The following ALK variants were observed in gnomAD, a reference collection of about 807,000 sequenced individuals.
ALK encodes ALK receptor tyrosine kinase.
A neutral mutation model predicts 163.1 loss-of-function variants in ALK; 74 were observed. The observed-to-expected ratio is 0.45, with a 90% CI of 0.38 to 0.55. ALK has a LOEUF of 0.55. Among genes scored for constraint, ALK ranks in the 20% least tolerant of loss-of-function variants. ALK has a pLI of 0.00. For synonymous variants in ALK, 960 were observed against 843.2 expected, an observed-to-expected ratio of 1.14 and a Z score of -2.40; for missense variants, 2,063 against 2,105.3, an observed-to-expected ratio of 0.98 and a Z score of 0.39.
chr2:29,560,172 C>T (rs573147136), intron 3 of ALK, among the ~76,000 whole-genome samples: 77 of 152,136 alleles, frequency 5.1e-4, no homozygotes, highest in African/African-American at 1.5e-3. Context: ...TTTATCAGTA[C>T]GTAATAGCCA....
intron 1 of ALK, among the ~76,000 whole-genome samples, chr2:29,908,294 ACAC>A: frequency 6.6e-6 from 1 of 151,696 alleles, no homozygotes. Flanking sequence ...ACACACACAC[ACAC>A]ACACACACAC....
At chr2:29,293,294 A>G (rs1448927337) in intron 9 of ALK, among the ~76,000 whole-genome samples, 1 of 152,172 alleles carries the variant, frequency 6.6e-6, no homozygotes, top group Non-Finnish European at 1.5e-5. Context: ...AGTATATGCA[A>G]TTTCCCTCAA....
chr2:29,437,110 G>A (rs879707581), intron 4 of ALK, among the ~76,000 whole-genome samples: 14 of 152,162 alleles, frequency 9.2e-5, no homozygotes, highest in Non-Finnish European at 1.9e-4. Context: ...GAAATCACTC[G>A]ATCCATTTTA....
intron 6 of ALK, among the ~76,000 whole-genome samples, chr2:29,321,108 A>G (rs1021067727): frequency 6.6e-6 from 1 of 152,256 alleles, no homozygotes; most frequent in Non-Finnish European, 1.5e-5. Flanking sequence ...AGAAAACAAA[A>G]TAGGAAAAAT....
intron 2 of ALK, among the ~76,000 whole-genome samples, chr2:29,708,775 C>G (rs1678986920): frequency 6.6e-6 from 1 of 152,176 alleles, no homozygotes; most frequent in Non-Finnish European, 1.5e-5. Flanking sequence ...GCTGCTAGTC[C>G]TGGGGAGATC....
intron 1 of ALK, among the ~76,000 whole-genome samples, chr2:29,835,667 A>G (rs1226456771): frequency 2.0e-5 from 3 of 152,134 alleles, no homozygotes; most frequent in African/African-American, 4.8e-5. Context: ...AATTCCCATG[A>G]GTTATGGGAG....
chr2:29,559,384 C>A (rs147325841), intron 3 of ALK, among the ~76,000 whole-genome samples: 1 of 152,226 alleles, frequency 6.6e-6, no homozygotes, highest in Non-Finnish European at 1.5e-5. Context: ...CAGCCCCAAA[C>A]GTCTGCCCAG....
chr2:29,327,855 T>C (rs1667318353), intron 6 of ALK, among the ~76,000 whole-genome samples: 1 of 152,146 alleles, frequency 6.6e-6, no homozygotes, highest in Admixed American at 6.5e-5. Flanking sequence ...AAGAATCGAC[T>C]CAGGGCGAGT....
At chr2:29,624,873 G>C (rs1264181201) in intron 3 of ALK, among the ~76,000 whole-genome samples, 1 of 152,212 alleles carries the variant, frequency 6.6e-6, no homozygotes, top group Non-Finnish European at 1.5e-5. Flanking sequence ...TTACAGGAGG[G>C]TGTTCACTGT....
rs1025849913 is a variant in ALK at position 29,388,237 on chromosome 2, G to A, written c.1155-4378C>T. Among the ~76,000 whole-genome samples, 3 of 152,180 alleles carry A rather than the reference G, an allele frequency of 2.0e-5. 1 individual carries two copies. Among genetic ancestry groups the A allele is most frequent in the Admixed American group, 6.5e-5 (1 of 15,274 alleles). On this transcript the variant is annotated intron_variant, in intron 4 of 28. Transcript: ENST00000389048. Reference sequence around the variant, plus strand: ...GGCAGCTGTGACTCAGGAGGGCAAAGGCACCAAGTTATTTTAAGCCCAGAA... The same window carrying A: ...GGCAGCTGTGACTCAGGAGGGCAAAAGCACCAAGTTATTTTAAGCCCAGAA...
chr2:29,385,905 G>A (rs940821165), intron 4 of ALK, among the ~76,000 whole-genome samples: 7 of 151,976 alleles, frequency 4.6e-5, no homozygotes, highest in Admixed American at 3.3e-4. Flanking sequence ...ATCTAAATAC[G>A]GCCTAAGGAC....
At chr2:29,581,047 A>G (rs1674675920) in intron 3 of ALK, among the ~76,000 whole-genome samples, 1 of 152,226 alleles carries the variant, frequency 6.6e-6, no homozygotes, top group Non-Finnish European at 1.5e-5. Flanking sequence ...AAAGCCTGGC[A>G]TCAAGATTCC....
intron 1 of ALK, among the ~76,000 whole-genome samples, chr2:29,764,939 G>C (rs1573617069): frequency 6.6e-6 from 1 of 152,148 alleles, no homozygotes; most frequent in South Asian, 2.1e-4. Context: ...TCCCGATGGT[G>C]CTGTTCTCAT....
chr2:29,272,628 T>A (rs972037942), intron 11 of ALK, among the ~76,000 whole-genome samples: 2 of 152,074 alleles, frequency 1.3e-5, no homozygotes, highest in African/African-American at 4.8e-5. Context: ...CGGAGGAGAG[T>A]TGAAATGCCA....
chr2:29,617,442 T>G (rs1675878564), intron 3 of ALK, among the ~76,000 whole-genome samples: 1 of 152,212 alleles, frequency 6.6e-6, no homozygotes, highest in African/African-American at 2.4e-5. Context: ...TAGTTTCCTC[T>G]TCTATCACAT....
chr2:29,584,959 A>C (rs1316838529), intron 3 of ALK, among the ~76,000 whole-genome samples: 1 of 152,214 alleles, frequency 6.6e-6, no homozygotes, highest in East Asian at 1.9e-4. Context: ...AATGGAAAGC[A>C]CTTCGTGTGC....
chr2:29,686,031 C>T (rs1573555236), intron 3 of ALK, among the ~76,000 whole-genome samples: 3 of 152,312 alleles, frequency 2.0e-5, no homozygotes, highest in African/African-American at 7.2e-5. Flanking sequence ...TTAAGGTCCC[C>T]TGTGATTCCA....
intron 3 of ALK, among the ~76,000 whole-genome samples, chr2:29,680,348 T>C (rs557960843): frequency 6.6e-6 from 1 of 152,230 alleles, no homozygotes; most frequent in South Asian, 2.1e-4. Flanking sequence ...AGAAGTTTCT[T>C]AGGATCTGAA....
At chr2:29,684,489 A>C (rs142372152) in intron 3 of ALK, among the ~76,000 whole-genome samples, 1,815 of 152,282 alleles carry the variant, frequency 0.012, 13 homozygotes, top group Non-Finnish European at 0.019. Flanking sequence ...CATGGATTGC[A>C]TCTCTGTGTG....
Sources: allele counts gnomAD v4.1 joint callset (sites outside exome capture counted in the v4.1 genomes callset), GRCh38; gene constraint gnomAD v4.1.1; transcripts MANE v1.5; gene names NCBI Gene and HGNC (gene_info 2026-07-23, HGNC 2026-07-21).